RALGAPB: variants seen among roughly 807,000 people sequenced by gnomAD.
RALGAPB encodes ral GTPase-activating protein subunit beta.
In RALGAPB, 25 loss-of-function variants were observed where a neutral mutation model predicts 161.1. That is an observed-to-expected ratio of 0.16 (90% confidence interval 0.11 to 0.22). The LOEUF (loss-of-function observed/expected upper bound fraction) is 0.22. Among genes scored for constraint, RALGAPB ranks in the 10% least tolerant of loss-of-function variants. RALGAPB has a pLI of 1.00. For missense variants in RALGAPB, 1,391 were observed against 1,815.2 expected, an observed-to-expected ratio of 0.77 and a Z score of 4.25; for synonymous variants, 629 against 626.1, an observed-to-expected ratio of 1.00 and a Z score of -0.07.
At chr20:38,486,540 A>T (rs891745480) in intron 1 of RALGAPB, among the ~76,000 whole-genome samples, 2 of 152,160 alleles carry the variant, frequency 1.3e-5, no homozygotes, top group African/African-American at 4.8e-5. Context: ...CTTTTTCTGA[A>T]TGGGGTCTAG....
chr20:38,515,498 TATTTC>T (rs2086097650), intron 6 of RALGAPB, among the ~76,000 whole-genome samples: 1 of 152,270 alleles, frequency 6.6e-6, no homozygotes, highest in South Asian at 2.1e-4. Context: ...TTAATGGAAA[TATTTC>T]AAACTGTTTG....
chr20:38,540,901 A>G (rs1026555848), intron 17 of RALGAPB, 140 bp from the exon 18 acceptor site: 7 of 792,214 alleles, frequency 8.8e-6, no homozygotes, highest in Non-Finnish European at 1.4e-5. Context: ...TATGAAGTTA[A>G]TATATATCCA....
intron 1 of RALGAPB, among the ~76,000 whole-genome samples, chr20:38,484,971 A>AG (rs2085074277): frequency 6.6e-6 from 1 of 152,200 alleles, no homozygotes; most frequent in South Asian, 2.1e-4. Flanking sequence ...CTGGGATTAC[A>AG]GGTGTGAGCC....
rs375024259 is a variant in RALGAPB at position 38,474,401 on chromosome 20, C to T, written c.-31+1332C>T. ...GCCTCCTGAGCTCAAGCAGTCCTCC[C>T]ACCTCAGCCTCTCAAGTAGCTGGGA... On this transcript the variant is annotated intron_variant, in intron 1 of 29. Coordinates refer to ENST00000262879, the MANE Select transcript of RALGAPB (RefSeq NM_020336.4). 7.3e-4 allele frequency among the ~76,000 whole-genome samples: 111 copies of T among 152,182 alleles called. 1 individual carries two copies. Among genetic ancestry groups the T allele is most frequent in the African/African-American group, 2.5e-3 (105 of 41,522 alleles).
intron 1 of RALGAPB, among the ~76,000 whole-genome samples, chr20:38,488,025 A>G (rs372879055): frequency 1.7e-4 from 26 of 152,244 alleles, no homozygotes; most frequent in African/African-American, 6.3e-4. Context: ...ACACCATTGT[A>G]CTCCAGCCTG....
At chr20:38,544,263 C>T (rs1394877237) in intron 18 of RALGAPB, among the ~76,000 whole-genome samples, 3 of 152,050 alleles carry the variant, frequency 2.0e-5, no homozygotes, top group African/African-American at 4.8e-5. Context: ...TACATTTGAT[C>T]GTTAAATCCT....
At chr20:38,476,485 C>T (rs951922144) in intron 1 of RALGAPB, among the ~76,000 whole-genome samples, 1 of 152,146 alleles carries the variant, frequency 6.6e-6, no homozygotes, top group Non-Finnish European at 1.5e-5. Flanking sequence ...TGTCCCCTTT[C>T]GCCCCCGACC....
intron 24 of RALGAPB, among the ~76,000 whole-genome samples, chr20:38,564,188 T>G (rs1476275526): frequency 2.0e-5 from 3 of 152,136 alleles, no homozygotes; most frequent in Non-Finnish European, 4.4e-5. Flanking sequence ...ACAAAGTGCC[T>G]GCCCGGAGCC....
At chr20:38,574,732 G>GACTAGTTTCTAACGTTTATTTTAAA (rs1438061306) in intron 29 of RALGAPB, 42 bp from the exon 30 acceptor site, 6 of 1,547,920 alleles carry the variant, frequency 3.9e-6, no homozygotes. Context: ...CTACGTAAGT[G>GACTAGTTTCTAACGTTTATTTTAAA]ACTAGTTTCT....
intron 25 of RALGAPB, among the ~76,000 whole-genome samples, chr20:38,566,218 T>G (rs890060985): frequency 1.3e-5 from 2 of 152,210 alleles, no homozygotes; most frequent in Admixed American, 1.3e-4. Context: ...GGACCCTTGA[T>G]TTCTCACTCT....
At position 38,492,490 on chromosome 20, in the gene RALGAPB, G is replaced by T. The variant is rs1219128024; in HGVS notation, c.187-440G>T. ...TAAACAGTTGATCTTTCTTCCTGTT[G>T]TTTGTGCATTTGCATAATCTGGAGA... On this transcript the variant is annotated intron_variant, in intron 2 of 29. Coordinates refer to ENST00000262879, the MANE Select transcript of RALGAPB (RefSeq NM_020336.4). Among the ~76,000 whole-genome samples, 5 of 151,604 alleles carry T rather than the reference G, an allele frequency of 3.3e-5. No homozygotes were observed. The East Asian group carries it at 5.8e-4, about 18-fold the overall frequency.
intron 24 of RALGAPB, 47 bp downstream of exon 24, chr20:38,562,744 T>A (rs1259971390): frequency 1.3e-6 from 2 of 1,538,206 alleles, no homozygotes; most frequent in South Asian, 1.2e-5. Context: ...TGTTTGTTAG[T>A]CTTGTTTTTT....
In RALGAPB at chr20:38,574,928, A is replaced by G. The variant is rs143567036; in HGVS notation, c.4446A>G (p.Ser1482=). The change falls in exon 30 of 30, where the codon TCA becomes TCG. Residue 1482 remains serine (S), a synonymous_variant. Transcript: ENST00000262879. The part of the protein sequence containing the change: ...NKQLEPEFYT[S]LFQEVGLKNC... ...AGCTGGAGCCAGAGTTTTATACTTCACTTTTCCAGGAGGTTGGACTCAAGA... is the reference window on the plus strand; with the variant it reads ...AGCTGGAGCCAGAGTTTTATACTTCGCTTTTCCAGGAGGTTGGACTCAAGA... 414 of 1,613,812 alleles carry G rather than the reference A, an allele frequency of 2.6e-4. No individual in the cohort carries two copies. The highest frequency in any genetic ancestry group is 4.7e-4 in the Admixed American group (28 of 59,990).
chr20:38,564,809 GATAA>G (rs1389236517), intron 24 of RALGAPB, among the ~76,000 whole-genome samples: 1 of 151,830 alleles, frequency 6.6e-6, no homozygotes, highest in Admixed American at 6.6e-5. Flanking sequence ...AGAGTCCAGA[GATAA>G]CGCACATGTG....
rs945989718 is a variant in RALGAPB at position 38,571,411 on chromosome 20, C to G, written c.4142+564C>G. ...CCTGCAGTTCCTGACAACTAGAATT[C>G]CACTCTCTGCTTCTCTGAGTTTATT... On this transcript the variant is annotated intron_variant, in intron 28 of 29. Coordinates refer to ENST00000262879, the MANE Select transcript of RALGAPB (RefSeq NM_020336.4). Among the ~76,000 whole-genome samples, 4 of 152,122 alleles carry G rather than the reference C, an allele frequency of 2.6e-5. No homozygotes were observed. The South Asian group carries it at 8.3e-4, about 32-fold the overall frequency.
In RALGAPB at chr20:38,541,160, G is replaced by A. The variant is rs749664911; in HGVS notation, c.2682G>A (p.Arg894=). ...AGGAGCCAAACCCTGCATCTATGAG[G>A]GTAAAGGATGCTGCTGAAGCCACCC... is the stretch of plus-strand genomic sequence containing the variant. ...GDKEPNPASM[R]VKDAAEATLT... The change falls in exon 18 of 30, where the codon AGG becomes AGA. Residue 894 remains arginine (R), a synonymous_variant. Coordinates refer to ENST00000262879, the MANE Select transcript of RALGAPB (RefSeq NM_020336.4). The A allele has an allele frequency of 9.9e-6, 16 of 1,613,948 alleles. No homozygotes were observed. In the Admixed American group the frequency reaches 2.3e-4, roughly 24 times the overall value.
intron 1 of RALGAPB, among the ~76,000 whole-genome samples, chr20:38,474,380 C>G (rs2084743254): frequency 6.6e-6 from 1 of 152,132 alleles, no homozygotes; most frequent in Non-Finnish European, 1.5e-5. Flanking sequence ...ACTTCCGCCT[C>G]CTGAGCTCAA....
intron 6 of RALGAPB, among the ~76,000 whole-genome samples, chr20:38,514,185 A>G (rs978044826): frequency 2.0e-5 from 3 of 152,210 alleles, no homozygotes; most frequent in African/African-American, 7.2e-5. Context: ...TTGGGGAGGG[A>G]TGAAGGCAAC....
At chr20:38,481,298 G>T (rs2084961550) in intron 1 of RALGAPB, among the ~76,000 whole-genome samples, 1 of 152,106 alleles carries the variant, frequency 6.6e-6, no homozygotes, top group Non-Finnish European at 1.5e-5. Context: ...ATTTATGGTA[G>T]GTATTAGTCT....
Sources: allele counts gnomAD v4.1 joint callset (sites outside exome capture counted in the v4.1 genomes callset), GRCh38; gene constraint gnomAD v4.1.1; transcripts MANE v1.5; gene names NCBI Gene and HGNC (gene_info 2026-07-23, HGNC 2026-07-21).